SCART1: variants seen among roughly 807,000 people sequenced by gnomAD.
The protein encoded by SCART1 is scavenger receptor family member expressed on T cells 1, also known as scavenger receptor cysteine-rich domain-containing protein SCART1.
In SCART1, 62 loss-of-function variants were observed where a neutral mutation model predicts 36.2. That is an observed-to-expected ratio of 1.71 (90% CI 1.40 to 2.12). SCART1 has a LOEUF of 2.12. Ranked by LOEUF, SCART1 falls within the 30% of genes most tolerant of loss-of-function variation. The probability of loss-of-function intolerance (pLI) is 0.00; values close to 1 mark genes in which losing one functional copy is unlikely to be tolerated. For missense variants in SCART1, 1,041 were observed against 540.5 expected (o/e 1.93, Z -9.18); for synonymous variants, 487 against 238.7 (o/e 2.04, Z -9.59).
chr10:133,463,829 A>G (rs549099220), intron 6 of SCART1, among the ~76,000 whole-genome samples: 1 of 152,258 alleles, frequency 6.6e-6, no homozygotes, highest in African/African-American at 2.4e-5. Context: ...TGTTGGGAAC[A>G]TTCAATATCC....
intron 1 of SCART1, among the ~76,000 whole-genome samples, chr10:133,454,569 G>T (rs1047325762): frequency 6.6e-6 from 1 of 151,998 alleles, no homozygotes; most frequent in African/African-American, 2.4e-5. Flanking sequence ...GGTGTAGAGA[G>T]GGGGGTCTAG....
intron 4 of SCART1, 122 bp from the exon 5 acceptor site, chr10:133,458,899 C>A: frequency 3.2e-6 from 2 of 623,006 alleles, no homozygotes; most frequent in Non-Finnish European, 5.7e-6. Flanking sequence ...GGTGGGGGAG[C>A]TGGTGAGACC....
exon 4 of SCART1, chr10:133,458,421 C>A: frequency 1.4e-6 from 1 of 701,222 alleles, no homozygotes; most frequent in Admixed American, 2.0e-5. Flanking sequence ...TGGAGGTGAC[C>A]TGGGGCACCG....
chr10:133,466,248 C>T (rs7894325), exon 10 of SCART1: 50,557 of 702,258 alleles, frequency 0.072, 2,099 homozygotes, highest in East Asian at 0.15. Flanking sequence ...CTGGCCCAGG[C>T]CCCCCACTGC....
At chr10:133,461,940 G>A (rs1352759425) in intron 6 of SCART1, among the ~76,000 whole-genome samples, 1 of 152,236 alleles carries the variant, frequency 6.6e-6, no homozygotes, top group Non-Finnish European at 1.5e-5. Context: ...GACCCCATCT[G>A]AGCTGGCATC....
exon 4 of SCART1, chr10:133,458,469 G>C (rs1327477171): frequency 1.4e-6 from 1 of 694,272 alleles, no homozygotes; most frequent in Non-Finnish European, 2.6e-6. Flanking sequence ...CGGCCCACGT[G>C]GTGTGCCGGG....
chr10:133,468,487 C>T (rs561219763), exon 12 of SCART1: 4 of 152,352 alleles, frequency 2.6e-5, no homozygotes, highest in Admixed American at 6.5e-5. Flanking sequence ...TGCCTTATTT[C>T]GGGGGCTGGG....
intron 10 of SCART1, chr10:133,466,971 T>G: frequency 1.4e-5 from 6 of 443,618 alleles, no homozygotes; most frequent in East Asian, 7.7e-5. Context: ...AGGCAGCACA[T>G]TGGGGCCCAC....
chr10:133,466,497 A>G (rs1471835403), intron 10 of SCART1, 116 bp downstream of exon 10: 2 of 605,528 alleles, frequency 3.3e-6, no homozygotes, highest in African/African-American at 1.8e-5. Context: ...AGTCAGGCCT[A>G]TGCAGACCTA....
At chr10:133,465,372 C>T in exon 9 of SCART1, 1 of 671,436 alleles carries the variant, frequency 1.5e-6, no homozygotes. Flanking sequence ...ACGCGGAGGT[C>T]GTGTGCCGCC....
chr10:133,460,112 G>A (rs780684417), exon 6 of SCART1: 6 of 516,372 alleles, frequency 1.2e-5, no homozygotes, highest in African/African-American at 2.0e-5. Context: ...AGTGCCCGTC[G>A]GCGGGCTGGG....
chr10:133,467,798 G>A lies in SCART1; in HGVS notation c.2963-49G>A, dbSNP rs114023272. The A allele has an allele frequency of 9.8e-3, 6,062 of 618,472 alleles. 219 individuals carry two copies. The highest frequency in any genetic ancestry group is 0.091 in the African/African-American group (4,963 of 54,838). 38.3% of individuals were successfully genotyped at this position (618,472 alleles called of 1,614,324 possible). A position where few individuals can be genotyped will look rare whatever the true frequency, so the allele number is the denominator to read the frequency against. On this transcript the variant is annotated intron_variant, in intron 11 of 11. Transcript: ENST00000640237. ...CGGGCTTTGCCAAATGTGCTCTGGG[G>A]ACAACTTGCACGTGTGCTGATTTGG...
At chr10:133,467,588 G>A (rs1320556462) in intron 11 of SCART1, among the ~76,000 whole-genome samples, 1 of 152,156 alleles carries the variant, frequency 6.6e-6, no homozygotes, top group Non-Finnish European at 1.5e-5. Context: ...GGGAGAAGAG[G>A]GCTGGTCGGG....
chr10:133,459,645 CA>C lies in SCART1; in HGVS notation c.1446del (p.Ala483ProfsTer16). 1.5e-6 allele frequency: 1 copy of C among 685,832 alleles called. No individual in the cohort carries two copies. Among genetic ancestry groups the C allele is most frequent in the Non-Finnish European group, 2.7e-6 (1 of 375,684 alleles). The allele number at this position is 685,832 out of a possible 1,614,324, so 42.5% of individuals were successfully genotyped here. ...GCAACTCGGGTGCAGAGGGGCCCAG[CA>C]AGCCTATGACGCACCTGCCCCCAGC... On this transcript the variant is annotated frameshift_variant, in exon 6 of 12. Transcript: ENST00000640237. LOFTEE classifies it high-confidence loss of function.
chr10:133,457,655 G>T, intron 3 of SCART1, 80 bp downstream of exon 3: 1 of 598,136 alleles, frequency 1.7e-6, no homozygotes. Flanking sequence ...GAGAAGGGGG[G>T]TGGGCGTTCC....
intron 1 of SCART1, among the ~76,000 whole-genome samples, chr10:133,455,083 A>G (rs1287191821): frequency 2.7e-4 from 41 of 152,260 alleles, no homozygotes; most frequent in Non-Finnish European, 2.9e-5. Context: ...CCTGGCCAAC[A>G]TGGTGAAACC....
At position 133,459,822 on chromosome 10, in the gene SCART1, TC is replaced by T. The variant is rs1315749928; in HGVS notation, c.1626del (p.Met543TrpfsTer11). 8.2e-6 allele frequency: 5 copies of T among 606,736 alleles called. No homozygotes were observed. Among genetic ancestry groups the T allele is most frequent in the African/African-American group, 1.9e-5 (1 of 51,694 alleles). The allele number at this position is 606,736 out of a possible 1,614,324, so 37.6% of individuals were successfully genotyped here. On this transcript the variant is annotated frameshift_variant, in exon 6 of 12. Transcript: ENST00000640237. LOFTEE classifies it high-confidence loss of function. ...GTGCTCCGGTGAGGTCGGAACCGCG[TC>T]CCCCATGGCCCGTCGCCACGGGATC...
downstream of SCART1, among the ~76,000 whole-genome samples, chr10:133,469,676 G>A (rs12263581): frequency 9.0e-3 from 1,371 of 152,128 alleles, 13 homozygotes; most frequent in African/African-American, 0.024. Flanking sequence ...AAACCACCAC[G>A]ACACGTGTAT....
At chr10:133,465,981 C>A in intron 9 of SCART1, 1 of 668,744 alleles carries the variant, frequency 1.5e-6, no homozygotes, top group Non-Finnish European at 2.7e-6. Context: ...TTGTGACTTG[C>A]CCTGGCATCT....
Sources: gnomAD v4.1 joint callset for allele counts (sites outside exome capture counted in the v4.1 genomes callset) on GRCh38, gnomAD v4.1.1 for gene constraint, MANE v1.5 for transcripts, NCBI Gene and HGNC (gene_info 2026-07-23, HGNC 2026-07-21) for gene names.